GABRG3: variants seen among roughly 807,000 people sequenced by gnomAD.
The protein encoded by GABRG3 is gamma-aminobutyric acid type A receptor subunit gamma3, also known as gamma-aminobutyric acid receptor subunit gamma-3.
Under a neutral mutation model 48.8 loss-of-function variants are expected in GABRG3, and 25 were observed. The ratio of observed to expected loss-of-function variants is 0.51; its 90% CI spans 0.37 to 0.72. The LOEUF (loss-of-function observed/expected upper bound fraction) is 0.72. Ranked by LOEUF, GABRG3 falls within the 30% of genes least tolerant of loss-of-function variation. The pLI, the probability that GABRG3 is intolerant of heterozygous loss-of-function variation, is 0.00. For missense variants in GABRG3, 394 were observed against 577.9 expected (o/e 0.68, Z 3.26); for synonymous variants, 227 against 217.6 (o/e 1.04, Z -0.38).
chr15:27,408,658 T>G (rs1228520900), intron 5 of GABRG3, among the ~76,000 whole-genome samples: 1 of 152,090 alleles, frequency 6.6e-6, no homozygotes, highest in Non-Finnish European at 1.5e-5. Context: ...CAGTGTGGTG[T>G]TTTCTACTTC....
intron 3 of GABRG3, among the ~76,000 whole-genome samples, chr15:27,066,679 G>C (rs1896743161): frequency 6.6e-6 from 1 of 152,024 alleles, no homozygotes. Flanking sequence ...AGAGAGGCCA[G>C]AGCCTGATCA....
chr15:27,404,216 G>A (rs1225504363), intron 5 of GABRG3, among the ~76,000 whole-genome samples: 1 of 152,114 alleles, frequency 6.6e-6, no homozygotes, highest in Non-Finnish European at 1.5e-5. Flanking sequence ...GGGAGACTCC[G>A]TCTGAAGAAA....
At chr15:27,441,452 G>A (rs1888780917) in intron 5 of GABRG3, among the ~76,000 whole-genome samples, 1 of 152,154 alleles carries the variant, frequency 6.6e-6, no homozygotes, top group South Asian at 2.1e-4. Flanking sequence ...AGCAGCCCTG[G>A]AAAGATACCT....
At chr15:26,979,985 G>GGGAGTTATT (rs1291026741) in intron 2 of GABRG3, among the ~76,000 whole-genome samples, 1 of 151,970 alleles carries the variant, frequency 6.6e-6, no homozygotes, top group African/African-American at 2.4e-5. Flanking sequence ...TTTCTTTTCT[G>GGGAGTTATT]GGAGTTATTT....
At chr15:27,137,157 T>C (rs1898023696) in intron 3 of GABRG3, among the ~76,000 whole-genome samples, 1 of 152,206 alleles carries the variant, frequency 6.6e-6, no homozygotes, top group African/African-American at 2.4e-5. Flanking sequence ...CAGTTATCAA[T>C]ACCCCAGGAA....
intron 5 of GABRG3, among the ~76,000 whole-genome samples, chr15:27,405,144 G>A (rs776200358): frequency 5.9e-5 from 9 of 152,134 alleles, no homozygotes; most frequent in African/African-American, 1.9e-4. Flanking sequence ...GTACATAATT[G>A]TAGGACATTA....
chr15:27,230,446 A>G (rs1889762190), intron 3 of GABRG3, among the ~76,000 whole-genome samples: 1 of 152,242 alleles, frequency 6.6e-6, no homozygotes, highest in Non-Finnish European at 1.5e-5. Context: ...CAGAGGGCAC[A>G]ATTAATTCAT....
chr15:27,086,065 A>G lies in GABRG3; in HGVS notation c.270+59244A>G, dbSNP rs1212583015. Among the ~76,000 whole-genome samples the G allele has an allele frequency of 2.0e-5, 3 of 151,658 alleles. No individual in the cohort carries two copies. In the East Asian group the frequency reaches 5.8e-4, roughly 29 times the overall value. On this transcript the variant is annotated intron_variant, in intron 3 of 9. Coordinates refer to ENST00000615808, the MANE Select transcript of GABRG3 (RefSeq NM_033223.5). The stretch of plus-strand genomic sequence containing the variant: ...TTCTAAACTTTCCTTGGTTTTTAAG[A>G]TTAAATATTACATACAGTTTAACAA...
intron 5 of GABRG3, among the ~76,000 whole-genome samples, chr15:27,388,143 TAAGGAAGGAAGGAAGAAAGG>T (rs1282427297): frequency 7.9e-5 from 2 of 25,398 alleles, no homozygotes; most frequent in Admixed American, 4.6e-4. Context: ...GGAGGGAGGG[TAAGGAAGGAAGGAAGAAAGG>T]AAGGAAGGAA....
chr15:27,217,228 T>C lies in GABRG3; in HGVS notation c.271-109581T>C, dbSNP rs564261861. On this transcript the variant is annotated intron_variant, in intron 3 of 9. Coordinates refer to ENST00000615808, the MANE Select transcript of GABRG3 (RefSeq NM_033223.5). Reference sequence around the variant, plus strand: ...ATAAAGACACTTGCACACGTATGTTTATTGCGGCACTATTCACAATAGCAA... The same window carrying C: ...ATAAAGACACTTGCACACGTATGTTCATTGCGGCACTATTCACAATAGCAA... 3.3e-5 allele frequency among the ~76,000 whole-genome samples: 5 copies of C among 152,348 alleles called. No homozygotes were observed. In the East Asian group the frequency reaches 9.6e-4, roughly 29 times the overall value.
intron 5 of GABRG3, among the ~76,000 whole-genome samples, chr15:27,450,217 G>A (rs765797098): frequency 1.3e-5 from 2 of 152,096 alleles, no homozygotes; most frequent in South Asian, 2.1e-4. Flanking sequence ...CATTTTTTTC[G>A]TGTTTAATCT....
intron 3 of GABRG3, among the ~76,000 whole-genome samples, chr15:27,157,183 A>G (rs1042507146): frequency 6.6e-6 from 1 of 152,244 alleles, no homozygotes; most frequent in Non-Finnish European, 1.5e-5. Flanking sequence ...GGAATGGAAG[A>G]TTGGGAACTT....
chr15:27,155,725 G>A (rs1198273282), intron 3 of GABRG3, among the ~76,000 whole-genome samples: 1 of 152,100 alleles, frequency 6.6e-6, no homozygotes, highest in Non-Finnish European at 1.5e-5. Context: ...TTCCCTCTAG[G>A]TCCCTGCAGA....
At chr15:27,186,959 A>G (rs371557064) in intron 3 of GABRG3, among the ~76,000 whole-genome samples, 20 of 152,010 alleles carry the variant, frequency 1.3e-4, no homozygotes, top group Non-Finnish European at 2.6e-4. Context: ...TGTTGTTGCA[A>G]TTGCTTTTGA....
intron 3 of GABRG3, among the ~76,000 whole-genome samples, chr15:27,209,220 G>A (rs1326286079): frequency 1.3e-5 from 2 of 152,210 alleles, no homozygotes; most frequent in Admixed American, 1.3e-4. Context: ...GTCATCCAAA[G>A]AAGGAGTTCA....
chr15:27,069,517 A>G (rs980497770), intron 3 of GABRG3, among the ~76,000 whole-genome samples: 1 of 152,246 alleles, frequency 6.6e-6, no homozygotes, highest in Non-Finnish European at 1.5e-5. Flanking sequence ...AAAACTGTGC[A>G]TACACATCCA....
chr15:27,019,038 T>A (rs1895832485), intron 2 of GABRG3, among the ~76,000 whole-genome samples: 1 of 147,252 alleles, frequency 6.8e-6, no homozygotes, highest in Admixed American at 6.8e-5. Context: ...CCCATTGAAG[T>A]ATTTGTTCCC....
In GABRG3 at chr15:27,457,934, G is replaced by C. The variant is rs1207131261; in HGVS notation, c.575-22716G>C. Among the ~76,000 whole-genome samples, 1 of 152,148 alleles carries C rather than the reference G, an allele frequency of 6.6e-6. No homozygotes were observed. The highest frequency in any genetic ancestry group is 1.9e-4 in the East Asian group (1 of 5,188). ...TCCAGGGCTTTGGGGTCTCTCGTGG[G>C]ACCTTATTGATGTAGCTGAAAGAGG... is the stretch of plus-strand genomic sequence containing the variant. On this transcript the variant is annotated intron_variant, in intron 5 of 9. Coordinates refer to ENST00000615808, the MANE Select transcript of GABRG3 (RefSeq NM_033223.5). The surrounding 1 kb of genome is among the most constrained non-coding windows in gnomAD (Gnocchi z 4.4).
rs570053515 is a variant in GABRG3 at position 27,010,410 on chromosome 15, C to T, written c.203-16344C>T. On this transcript the variant is annotated intron_variant, in intron 2 of 9. Coordinates refer to ENST00000615808, the MANE Select transcript of GABRG3 (RefSeq NM_033223.5). ...ATTAAATATTCTAGAAATGCAGTAA[C>T]TTGCTTGATTCTTTTACCTAGAACA... Among the ~76,000 whole-genome samples, 6 of 152,342 alleles carry T rather than the reference C, an allele frequency of 3.9e-5. No individual in the cohort carries two copies. In the South Asian group the frequency reaches 1.2e-3, roughly 32 times the overall value.
Sources: gnomAD v4.1 joint callset for allele counts (sites outside exome capture counted in the v4.1 genomes callset) on GRCh38, gnomAD v4.1.1 for gene constraint, Gnocchi (gnomAD v3.1) non-coding constraint, MANE v1.5 for transcripts, NCBI Gene and HGNC (gene_info 2026-07-23, HGNC 2026-07-21) for gene names.